MYO10: variants seen among roughly 807,000 people sequenced by gnomAD.
The protein encoded by MYO10 is myosin X.
A neutral mutation model predicts 257.3 loss-of-function variants in MYO10; 133 were observed. The observed-to-expected ratio is 0.52, with a 90% CI of 0.45 to 0.60. The LOEUF (loss-of-function observed/expected upper bound fraction) is 0.60, where lower values mean the gene tolerates loss of function less well. Ranked by LOEUF, MYO10 falls within the 20% of genes least tolerant of loss-of-function variation. The probability of loss-of-function intolerance (pLI) is 0.00; values close to 1 mark genes in which losing one functional copy is unlikely to be tolerated. For missense variants in MYO10, 2,399 were observed against 2,635.7 expected (o/e 0.91, Z 1.97); for synonymous variants, 1,104 against 1,028.6 (o/e 1.07, Z -1.40).
rs1742033138 is a variant in MYO10 at position 16,798,599 on chromosome 5, G to A, written c.280-3766C>T. ...ATCTGCAGAGGTGAGGGAGCAGGCA[G>A]ACAATACTTGAGGCTGTGAGTGCCT... On this transcript the variant is annotated intron_variant, in intron 3 of 40. Transcript: ENST00000513610. 2.0e-5 allele frequency among the ~76,000 whole-genome samples: 3 copies of A among 152,318 alleles called. No individual in the cohort carries two copies. The South Asian group carries it at 6.2e-4, about 32-fold the overall frequency.
At chr5:16,867,423 T>G (rs899658720) in intron 2 of MYO10, among the ~76,000 whole-genome samples, 1 of 151,780 alleles carries the variant, frequency 6.6e-6, no homozygotes, top group Non-Finnish European at 1.5e-5. Flanking sequence ...AAAGGTCGCC[T>G]ACATCCACAA....
At chr5:16,871,118 C>A (rs1421059759) in intron 2 of MYO10, among the ~76,000 whole-genome samples, 1 of 152,176 alleles carries the variant, frequency 6.6e-6, no homozygotes, top group African/African-American at 2.4e-5. Context: ...TCACCAGCAT[C>A]CATCTTCCAA....
intron 2 of MYO10, among the ~76,000 whole-genome samples, chr5:16,821,443 C>CTTTTTTTTT (rs571931909): frequency 1.3e-4 from 9 of 70,262 alleles, no homozygotes; most frequent in Non-Finnish European, 1.5e-4. Flanking sequence ...CTCCTATTTT[C>CTTTTTTTTT]TTTTTTTTTT....
intron 3 of MYO10, among the ~76,000 whole-genome samples, chr5:16,800,221 C>T (rs1742082572): frequency 6.6e-6 from 1 of 151,898 alleles, no homozygotes; most frequent in African/African-American, 2.4e-5. Context: ...AGTGAGTTAC[C>T]ATGAAAAAAA....
At chr5:16,869,562 C>G (rs1166941244) in intron 2 of MYO10, among the ~76,000 whole-genome samples, 2 of 152,042 alleles carry the variant, frequency 1.3e-5, no homozygotes, top group Admixed American at 6.6e-5. Context: ...GAGCAAGACC[C>G]TGTCGCTAAA....
intron 19 of MYO10, among the ~76,000 whole-genome samples, chr5:16,716,048 T>C (rs115709176): frequency 2.0e-5 from 2 of 100,374 alleles, no homozygotes; most frequent in Admixed American, 1.2e-4. Flanking sequence ...AGAGTGACAC[T>C]CCGTCTCGAA....
chr5:16,840,151 G>C (rs781502407), intron 2 of MYO10, among the ~76,000 whole-genome samples: 9 of 152,074 alleles, frequency 5.9e-5, no homozygotes, highest in Non-Finnish European at 1.3e-4. Context: ...GGTGGCTCAC[G>C]CCTATAATCC....
intron 29 of MYO10, 41 bp from the exon 30 acceptor site, chr5:16,683,976 A>G (rs764304574): frequency 1.3e-6 from 2 of 1,587,414 alleles, no homozygotes; most frequent in South Asian, 1.1e-5. Context: ...GAGAAGCACT[A>G]AAGTAGGGTG....
chr5:16,677,265 T>G (rs185896175), intron 33 of MYO10, among the ~76,000 whole-genome samples: 9 of 152,316 alleles, frequency 5.9e-5, no homozygotes, highest in Non-Finnish European at 1.2e-4. Flanking sequence ...ATTTTTTAAT[T>G]ACTTAAATAA....
rs1315440800 is a variant in MYO10, at chr5:16,694,409, C to A, written c.3762G>T (p.Glu1254Asp). The change falls in exon 27 of 41, where the codon GAG becomes GAT. Residue 1254 changes from glutamate (E) to aspartate (D), a missense_variant. Glu to Asp is a conservative substitution (Grantham distance 45, BLOSUM62 2). Transcript: ENST00000513610. Reference protein sequence around the residue: ...SKLMYFENDSEEKLKGTVEVR... With the variant: ...SKLMYFENDSDEKLKGTVEVR... ...CTTCTACGGTGCCCTTGAGCTTCTC[C>A]TCGCTGTCGTTTTCAAAGTACATCA... is the stretch of plus-strand genomic sequence containing the variant. The A allele has an allele frequency of 1.2e-6, 2 of 1,614,072 alleles. No individual in the cohort carries two copies. Among genetic ancestry groups the A allele is most frequent in the South Asian group, 2.2e-5 (2 of 91,086 alleles).
intron 2 of MYO10, among the ~76,000 whole-genome samples, chr5:16,859,746 AAATAAT>A (rs946701254): frequency 2.0e-5 from 3 of 152,004 alleles, no homozygotes; most frequent in African/African-American, 7.2e-5. Context: ...CACTAACTCA[AAATAAT>A]AATAATAATA....
At position 16,912,802 on chromosome 5, in the gene MYO10, G is replaced by GCACACACACACACA. The variant is rs70943817; in HGVS notation, c.21+22972_21+22985dup. On this transcript the variant is annotated intron_variant, in intron 1 of 40. Coordinates refer to ENST00000513610, the MANE Select transcript of MYO10 (RefSeq NM_012334.3). The stretch of plus-strand genomic sequence containing the variant: ...CCAGACTTCCTTCACCTACCACCCT[G>GCACACACACACACA]CACACACACACACACACACACACAC... Among the ~76,000 whole-genome samples, 369 of 111,640 alleles carry GCACACACACACACA rather than the reference G, an allele frequency of 3.3e-3. 6 individuals are homozygous for GCACACACACACACA. The highest frequency in any genetic ancestry group is 6.6e-3 in the African/African-American group (187 of 28,186). 73.2% of individuals were successfully genotyped at this position (111,640 alleles called of 152,430 possible).
At chr5:16,768,935 C>G in intron 10 of MYO10, 139 bp downstream of exon 10, 2 of 1,099,316 alleles carry the variant, frequency 1.8e-6, no homozygotes, top group Non-Finnish European at 2.4e-6. Context: ...CTCCACCTCC[C>G]AAAGTGCTGG....
intron 6 of MYO10, among the ~76,000 whole-genome samples, chr5:16,781,336 TC>T (rs1741417488): frequency 6.6e-6 from 1 of 152,156 alleles, no homozygotes; most frequent in Non-Finnish European, 1.5e-5. Context: ...CACCTTGGCC[TC>T]CCACAGTGCT....
intron 2 of MYO10, among the ~76,000 whole-genome samples, chr5:16,821,361 A>G (rs1480818933): frequency 6.7e-6 from 1 of 149,974 alleles, no homozygotes; most frequent in Non-Finnish European, 1.5e-5. Flanking sequence ...CAGAGCTGGA[A>G]ACCATCACTG....
chr5:16,817,890 A>G lies in MYO10; in HGVS notation c.279+119T>C, dbSNP rs1288140516. On this transcript the variant is annotated intron_variant, in intron 3 of 40. Coordinates refer to ENST00000513610, the MANE Select transcript of MYO10 (RefSeq NM_012334.3). ...TTCTAATGTGGCAAATCCCTTGAAAACATAATTTTACTTAGATTAACAAGA... is the reference window on the plus strand; with the variant it reads ...TTCTAATGTGGCAAATCCCTTGAAAGCATAATTTTACTTAGATTAACAAGA... 49 of 945,276 alleles carry G rather than the reference A, an allele frequency of 5.2e-5. 1 individual carries two copies. The South Asian group carries it at 1.6e-3, about 30-fold the overall frequency. 58.6% of individuals were successfully genotyped at this position (945,276 alleles called of 1,614,324 possible).
rs1554002457 is a variant in MYO10, at chr5:16,848,155, C to CTTTTTTTTTTTTTTTTCTTTT, written c.120+29453_120+29454insAAAAGAAAAAAAAAAAAAAAA. ...TGATTAAGCAAAGAACTACACATTT[C>CTTTTTTTTTTTTTTTTCTTTT]TTTTTTTTTTTTTTTTTTGTGAGAG... On this transcript the variant is annotated intron_variant, in intron 2 of 40. Coordinates refer to ENST00000513610, the MANE Select transcript of MYO10 (RefSeq NM_012334.3). 1.8e-3 allele frequency among the ~76,000 whole-genome samples: 205 copies of CTTTTTTTTTTTTTTTTCTTTT among 113,518 alleles called. 8 individuals are homozygous for CTTTTTTTTTTTTTTTTCTTTT. Among genetic ancestry groups the CTTTTTTTTTTTTTTTTCTTTT allele is most frequent in the African/African-American group, 6.8e-3 (181 of 26,690 alleles). 74.5% of individuals were successfully genotyped at this position (113,518 alleles called of 152,430 possible).
At chr5:16,867,169 T>A (rs1046950864) in intron 2 of MYO10, among the ~76,000 whole-genome samples, 1 of 152,242 alleles carries the variant, frequency 6.6e-6, no homozygotes, top group African/African-American at 2.4e-5. Flanking sequence ...ATTTTTCCCT[T>A]GGCTCAGATG....
intron 5 of MYO10, 135 bp from the exon 6 acceptor site, chr5:16,781,964 T>C: frequency 9.1e-7 from 1 of 1,100,236 alleles, no homozygotes; most frequent in Non-Finnish European, 1.3e-6. Context: ...TGGCAATGTT[T>C]ATTTCCGGAA....
Sources: allele counts gnomAD v4.1 joint callset (sites outside exome capture counted in the v4.1 genomes callset), GRCh38; gene constraint gnomAD v4.1.1; transcripts MANE v1.5; gene names NCBI Gene and HGNC (gene_info 2026-07-23, HGNC 2026-07-21).